Variants in ITPR2 observed in about 807,000 individuals in gnomAD.
The protein encoded by ITPR2 is inositol 1,4,5-trisphosphate receptor type 2.
Under a neutral mutation model 317.1 loss-of-function variants are expected in ITPR2, and 207 were observed. The ratio of observed to expected loss-of-function variants is 0.65; its 90% CI spans 0.58 to 0.73. ITPR2 has a LOEUF of 0.73. ITPR2 is among the 30% of genes least tolerant of loss of function. ITPR2 has a pLI of 0.00. For synonymous variants in ITPR2, 1,156 were observed against 1,149.1 expected (o/e 1.01, Z -0.12); for missense variants, 2,613 against 3,284.0 (o/e 0.80, Z 4.99).
At chr12:26,405,501 G>A (rs1940318568) in intron 52 of ITPR2, among the ~76,000 whole-genome samples, 1 of 152,136 alleles carries the variant, frequency 6.6e-6, no homozygotes, top group Non-Finnish European at 1.5e-5. Flanking sequence ...TGTTTTATAT[G>A]AGGGAAGGAA....
intron 9 of ITPR2, among the ~76,000 whole-genome samples, chr12:26,702,888 T>C (rs1412041414): frequency 6.9e-6 from 1 of 145,906 alleles, no homozygotes; most frequent in Non-Finnish European, 1.5e-5. Context: ...CCTAGGTGTT[T>C]TCCGCAATTC....
chr12:26,345,332 G>A (rs944724872), intron 55 of ITPR2, among the ~76,000 whole-genome samples: 1 of 152,096 alleles, frequency 6.6e-6, no homozygotes, highest in African/African-American at 2.4e-5. Flanking sequence ...ACCCCTAGTG[G>A]ATGTCTGAAA....
intron 37 of ITPR2, among the ~76,000 whole-genome samples, chr12:26,497,970 A>C (rs1381605171): frequency 6.6e-6 from 1 of 151,928 alleles, no homozygotes; most frequent in Non-Finnish European, 1.5e-5. Flanking sequence ...TCCTGACCTC[A>C]GGCAATCTGC....
intron 25 of ITPR2, among the ~76,000 whole-genome samples, chr12:26,621,741 TTAAA>T (rs1214965894): frequency 1.2e-4 from 19 of 152,200 alleles, no homozygotes; most frequent in African/African-American, 3.4e-4. Flanking sequence ...CCCTATTATG[TTAAA>T]TAAATAGTGA....
At chr12:26,411,130 A>T (rs957444667) in intron 52 of ITPR2, 190 bp downstream of exon 52, 1 of 546,970 alleles carries the variant, frequency 1.8e-6, no homozygotes, top group Non-Finnish European at 3.3e-6. Flanking sequence ...AACGAACAGG[A>T]GAGGGGTACA....
chr12:26,832,013 A>AG (rs1565795276), intron 1 of ITPR2, among the ~76,000 whole-genome samples: 1 of 151,862 alleles, frequency 6.6e-6, no homozygotes, highest in Non-Finnish European at 1.5e-5. Flanking sequence ...CAGTGGGCCA[A>AG]GGCCTGGGAA....
intron 37 of ITPR2, among the ~76,000 whole-genome samples, chr12:26,533,176 A>G (rs1289834363): frequency 6.6e-6 from 1 of 152,168 alleles, no homozygotes; most frequent in East Asian, 1.9e-4. Context: ...AAATTTTCCC[A>G]CTTATCTTGG....
chr12:26,784,569 C>T (rs1223048296), intron 2 of ITPR2, among the ~76,000 whole-genome samples: 1 of 151,674 alleles, frequency 6.6e-6, no homozygotes, highest in African/African-American at 2.4e-5. Flanking sequence ...GTCTCCAGCT[C>T]CTAACCGCGA....
chr12:26,753,703 C>T (rs78056439), intron 2 of ITPR2, among the ~76,000 whole-genome samples: 2,108 of 152,274 alleles, frequency 0.014, 24 homozygotes, highest in Non-Finnish European at 0.023. Flanking sequence ...GTAACAAATC[C>T]GGTCTGCTTT....
At chr12:26,694,323 T>C (rs1466693318) in intron 10 of ITPR2, among the ~76,000 whole-genome samples, 1 of 152,210 alleles carries the variant, frequency 6.6e-6, no homozygotes, top group East Asian at 1.9e-4. Flanking sequence ...TACGAGTGAC[T>C]GTTGCTTCCT....
chr12:26,652,331 A>T lies in ITPR2; in HGVS notation c.2740+1645T>A, dbSNP rs867124750. On this transcript the variant is annotated intron_variant, in intron 21 of 56. Transcript: ENST00000381340. ...CTGTGGTTCAATTGGCTTCTTATTG[A>T]TTTGTACAGTTTTTTGAAAGCTATA... is the stretch of plus-strand genomic sequence containing the variant. Among the ~76,000 whole-genome samples, 6 of 152,178 alleles carry T rather than the reference A, an allele frequency of 3.9e-5. No individual in the cohort carries two copies. In the South Asian group the frequency reaches 1.2e-3, roughly 32 times the overall value.
At chr12:26,717,830 C>T (rs1033372053) in intron 5 of ITPR2, among the ~76,000 whole-genome samples, 1 of 152,150 alleles carries the variant, frequency 6.6e-6, no homozygotes, top group Non-Finnish European at 1.5e-5. Context: ...ATTGGTATCC[C>T]TTTTAAAAAT....
chr12:26,549,022 G>A (rs984540933), intron 37 of ITPR2, among the ~76,000 whole-genome samples: 10 of 152,038 alleles, frequency 6.6e-5, no homozygotes, highest in African/African-American at 2.2e-4. Context: ...TGTGAACCTC[G>A]TCCTTTGCCA....
intron 55 of ITPR2, among the ~76,000 whole-genome samples, chr12:26,361,382 T>C (rs16930532): frequency 0.15 from 22,212 of 152,110 alleles, 1,775 homozygotes; most frequent in African/African-American, 0.22. Flanking sequence ...TTTATCACAA[T>C]ATCCTCTCAT....
intron 37 of ITPR2, among the ~76,000 whole-genome samples, chr12:26,508,907 G>C (rs1017738168): frequency 6.6e-6 from 1 of 152,146 alleles, no homozygotes; most frequent in African/African-American, 2.4e-5. Flanking sequence ...TTACCCTAAA[G>C]AAATTAAAAC....
chr12:26,534,844 C>A (rs1180647742), intron 37 of ITPR2, among the ~76,000 whole-genome samples: 3 of 152,180 alleles, frequency 2.0e-5, no homozygotes, highest in Non-Finnish European at 2.9e-5. Flanking sequence ...TATTTTGCAT[C>A]ATTAGCTTCA....
intron 45 of ITPR2, among the ~76,000 whole-genome samples, chr12:26,458,840 T>C (rs1941948608): frequency 6.6e-6 from 1 of 152,222 alleles, no homozygotes; most frequent in South Asian, 2.1e-4. Context: ...GGAAGGCTGA[T>C]GTGCCTCTCC....
chr12:26,648,390 G>A (rs1591995616), intron 21 of ITPR2, among the ~76,000 whole-genome samples: 1 of 151,932 alleles, frequency 6.6e-6, no homozygotes, highest in Non-Finnish European at 1.5e-5. Flanking sequence ...TGGGAAGTAA[G>A]GATAAAAAAG....
intron 35 of ITPR2, among the ~76,000 whole-genome samples, chr12:26,557,084 G>GA (rs1029978986): frequency 1.3e-3 from 180 of 143,158 alleles, no homozygotes; most frequent in South Asian, 3.3e-3. Context: ...GTCTCAAATT[G>GA]AAAAAAAAAA....
Sources: gnomAD v4.1 joint callset for allele counts (sites outside exome capture counted in the v4.1 genomes callset) on GRCh38, gnomAD v4.1.1 for gene constraint, MANE v1.5 for transcripts, NCBI Gene and HGNC (gene_info 2026-07-23, HGNC 2026-07-21) for gene names.